Variants in MEOX2 observed in about 807,000 individuals in gnomAD.
The protein encoded by MEOX2 is mesenchyme homeobox 2.
A neutral mutation model predicts 27.0 loss-of-function variants in MEOX2; 11 were observed. The observed-to-expected ratio is 0.41, with a 90% CI of 0.26 to 0.68. The LOEUF (loss-of-function observed/expected upper bound fraction) is 0.68. Ranked by LOEUF, MEOX2 falls within the 30% of genes least tolerant of loss-of-function variation. The pLI, the probability that MEOX2 is intolerant of heterozygous loss-of-function variation, is 0.33. For missense variants in MEOX2, 436 were observed against 385.4 expected (o/e 1.13, Z -1.10); for synonymous variants, 189 against 155.4 (o/e 1.22, Z -1.61).
chr7:15,618,497 C>G (rs1354502902), intron 2 of MEOX2, among the ~76,000 whole-genome samples: 1 of 151,964 alleles, frequency 6.6e-6, no homozygotes, highest in African/African-American at 2.4e-5. Flanking sequence ...ACATCTTGCC[C>G]AATCTCTTGG....
chr7:15,657,059 A>G (rs1011756797), intron 1 of MEOX2, among the ~76,000 whole-genome samples: 1 of 152,092 alleles, frequency 6.6e-6, no homozygotes, highest in Non-Finnish European at 1.5e-5. Context: ...ATTTACTATC[A>G]TTGAAAAATT....
At chr7:15,634,829 C>T (rs1781457391) in intron 1 of MEOX2, among the ~76,000 whole-genome samples, 1 of 151,848 alleles carries the variant, frequency 6.6e-6, no homozygotes, top group Admixed American at 6.6e-5. Flanking sequence ...GCTAATTCAC[C>T]CAAAATATAA....
intron 1 of MEOX2, among the ~76,000 whole-genome samples, chr7:15,643,075 G>T (rs966652659): frequency 6.6e-6 from 1 of 152,154 alleles, no homozygotes; most frequent in Non-Finnish European, 1.5e-5. Flanking sequence ...TATGCTACAG[G>T]TCAATAGGTA....
intron 1 of MEOX2, among the ~76,000 whole-genome samples, chr7:15,645,618 TA>T (rs139911303): frequency 6.6e-6 from 1 of 152,146 alleles, no homozygotes; most frequent in Non-Finnish European, 1.5e-5. Flanking sequence ...AATTGGTTGG[TA>T]AAAAACACCC....
At chr7:15,619,645 T>C (rs1781188438) in intron 2 of MEOX2, among the ~76,000 whole-genome samples, 1 of 152,024 alleles carries the variant, frequency 6.6e-6, no homozygotes, top group Non-Finnish European at 1.5e-5. Context: ...CAGATATGTG[T>C]GTGTGTATAT....
intron 1 of MEOX2, among the ~76,000 whole-genome samples, chr7:15,641,414 T>C (rs749522797): frequency 6.6e-6 from 1 of 152,112 alleles, no homozygotes; most frequent in African/African-American, 2.4e-5. Flanking sequence ...TGAAGTCTGT[T>C]TTATCAAACA....
intron 1 of MEOX2, among the ~76,000 whole-genome samples, chr7:15,663,545 T>G (rs1279119686): frequency 6.6e-6 from 1 of 151,980 alleles, no homozygotes; most frequent in Non-Finnish European, 1.5e-5. Flanking sequence ...TTCACCATGT[T>G]GGTCAGGCTG....
intron 1 of MEOX2, among the ~76,000 whole-genome samples, chr7:15,629,642 C>T (rs1781370185): frequency 6.6e-6 from 1 of 152,062 alleles, no homozygotes; most frequent in Non-Finnish European, 1.5e-5. Context: ...GTTGATTAAT[C>T]CAGCCACTAC....
intron 1 of MEOX2, among the ~76,000 whole-genome samples, chr7:15,659,665 CAGG>C (rs2115382607): frequency 6.8e-6 from 1 of 146,708 alleles, no homozygotes; most frequent in East Asian, 2.0e-4. Flanking sequence ...GGGGCTGAGG[CAGG>C]AGAATGGCGT....
chr7:15,625,188 T>C (rs951303249), intron 2 of MEOX2, among the ~76,000 whole-genome samples: 5 of 152,174 alleles, frequency 3.3e-5, no homozygotes, highest in Non-Finnish European at 7.3e-5. Context: ...ACCATCTCTA[T>C]ATAAGAACAT....
chr7:15,657,616 A>T (rs1781844571), intron 1 of MEOX2, among the ~76,000 whole-genome samples: 1 of 152,164 alleles, frequency 6.6e-6, no homozygotes, highest in South Asian at 2.1e-4. Flanking sequence ...TGTTCCAAGC[A>T]TGTTTGTACT....
intron 1 of MEOX2, among the ~76,000 whole-genome samples, chr7:15,638,547 G>A (rs922420106): frequency 6.6e-6 from 1 of 151,962 alleles, no homozygotes; most frequent in Non-Finnish European, 1.5e-5. Context: ...TGTTACGTAG[G>A]TATATTGCAT....
At chr7:15,636,194 ATGT>A (rs2115367260) in intron 1 of MEOX2, among the ~76,000 whole-genome samples, 1 of 152,138 alleles carries the variant, frequency 6.6e-6, no homozygotes, top group African/African-American at 2.4e-5. Flanking sequence ...ATTCTCTTAA[ATGT>A]TGTGCTGTTA....
Position 15,670,088 on chromosome 7 carries a change from C to T in MEOX2, c.517+15798G>A, listed in dbSNP as rs764742456. Among the ~76,000 whole-genome samples, 86 of 152,222 alleles carry T rather than the reference C, an allele frequency of 5.6e-4. 1 individual carries two copies. Among genetic ancestry groups the T allele is most frequent in the Non-Finnish European group, 6.3e-4 (43 of 68,000 alleles). The stretch of plus-strand genomic sequence containing the variant: ...TTCCAAAATTCTACTTTTTTTCTTA[C>T]ATTAACTTCCATTGTTATGTTGTGC... On this transcript the variant is annotated intron_variant, in intron 1 of 2. Transcript: ENST00000262041.
intron 1 of MEOX2, among the ~76,000 whole-genome samples, chr7:15,678,507 T>G (rs960254550): frequency 1.3e-5 from 2 of 152,202 alleles, no homozygotes; most frequent in Non-Finnish European, 2.9e-5. Flanking sequence ...GCATTCATTG[T>G]TAATTTGATA....
chr7:15,653,459 CG>C (rs1781771953), intron 1 of MEOX2, among the ~76,000 whole-genome samples: 1 of 151,848 alleles, frequency 6.6e-6, no homozygotes, highest in African/African-American at 2.4e-5. Context: ...GGGTCTTTCA[CG>C]GAGCAAAAAC....
chr7:15,631,203 T>G (rs1451735556), intron 1 of MEOX2, among the ~76,000 whole-genome samples: 2 of 151,612 alleles, frequency 1.3e-5, no homozygotes, highest in African/African-American at 4.8e-5. Context: ...GAGTTATAAT[T>G]ATTATTGTGA....
chr7:15,653,751 G>T (rs923408769), intron 1 of MEOX2, among the ~76,000 whole-genome samples: 5 of 151,860 alleles, frequency 3.3e-5, no homozygotes, highest in African/African-American at 1.2e-4. Context: ...CTCCACTGTT[G>T]ATTTTCTATT....
At chr7:15,681,089 ATAT>A (rs1782285689) in intron 1 of MEOX2, 1 of 151,870 alleles carries the variant, frequency 6.6e-6, no homozygotes, top group African/African-American at 2.4e-5. Context: ...AATTCAACAG[ATAT>A]TATTTAAGAA....
Sources: allele counts gnomAD v4.1 joint callset (sites outside exome capture counted in the v4.1 genomes callset), GRCh38; gene constraint gnomAD v4.1.1; transcripts MANE v1.5; gene names NCBI Gene and HGNC (gene_info 2026-07-23, HGNC 2026-07-21).